The following PRPF3 variants were observed in gnomAD, a reference collection of about 807,000 sequenced individuals.
PRPF3 encodes the protein U4/U6 small nuclear ribonucleoprotein Prp3.
Under a neutral mutation model 89.2 loss-of-function variants are expected in PRPF3, and 3 were observed. The observed-to-expected ratio is 0.03, with a 90% confidence interval of 0.02 to 0.09. PRPF3 has a LOEUF of 0.09. Among genes scored for constraint, PRPF3 ranks in the 10% least tolerant of loss-of-function variants. The pLI, the probability that PRPF3 is intolerant of heterozygous loss-of-function variation, is 1.00. For missense variants in PRPF3, 463 were observed against 828.8 expected (o/e 0.56, Z 5.42); for synonymous variants, 270 against 289.1 (o/e 0.93, Z 0.67).
rs587741078 is a variant in PRPF3 at position 150,326,139 on chromosome 1, T to G, written c.276+258T>G. 1.5e-4 allele frequency among the ~76,000 whole-genome samples: 23 copies of G among 152,284 alleles called. No homozygotes were observed. The East Asian group carries it at 4.4e-3, about 29-fold the overall frequency. Reference sequence around the variant, plus strand: ...ATAACAGGAGTTTTGATTCTCATGTTTCTCCATATTTCCTTTTTTTCCTTC... The same window carrying G: ...ATAACAGGAGTTTTGATTCTCATGTGTCTCCATATTTCCTTTTTTTCCTTC... On this transcript the variant is annotated intron_variant, in intron 3 of 15. Transcript: ENST00000324862.
At position 150,338,166 on chromosome 1, in the gene PRPF3, C is replaced by T. The variant is rs1489740997; in HGVS notation, c.1042C>T (p.Leu348=). 1.2e-5 allele frequency: 20 copies of T among 1,613,540 alleles called. No individual in the cohort carries two copies. Among genetic ancestry groups the T allele is most frequent in the Non-Finnish European group, 1.4e-5 (17 of 1,179,866 alleles). The change falls in exon 8 of 16, where the codon CTG becomes TTG. Residue 348 remains leucine (L), a synonymous_variant. Coordinates refer to ENST00000324862, the MANE Select transcript of PRPF3 (RefSeq NM_004698.4). ...TGGATTATCTTGTTTTTAGGCTCAA[C>T]TGGAGAAGCTACAGGCAGAGATTTC... ...IAQRLRTKAQ[L]EKLQAEISQA...
Position 150,352,878 on chromosome 1 carries a change from T to G in PRPF3, c.1951T>G (p.Cys651Gly). Residue 651 changes from cysteine to glycine, a missense_variant, in exon 16 of 16, where the codon TGT becomes GGT. Coordinates refer to ENST00000324862, the MANE Select transcript of PRPF3 (RefSeq NM_004698.4). ...CTTTGGAGAGATGAAGTTTAAACAG[T>G]GTCCTACAGAGAACATGGCTCGTGA... ...RSFGEMKFKQCPTENMAREHF... is the reference protein window; with the variant it reads ...RSFGEMKFKQGPTENMAREHF... 1.2e-6 allele frequency: 2 copies of G among 1,614,210 alleles called. No homozygotes were observed. The highest frequency in any genetic ancestry group is 1.7e-6 in the Non-Finnish European group (2 of 1,180,028).
intron 9 of PRPF3, among the ~76,000 whole-genome samples, chr1:150,342,715 G>A (rs1657891692): frequency 6.6e-6 from 1 of 152,068 alleles, no homozygotes; most frequent in Admixed American, 6.6e-5. Flanking sequence ...TGGAGTCAGG[G>A]TTTCACCATG....
At chr1:150,341,983 C>T (rs935790982) in intron 9 of PRPF3, among the ~76,000 whole-genome samples, 60 of 149,346 alleles carry the variant, frequency 4.0e-4, no homozygotes, top group African/African-American at 1.1e-3. Flanking sequence ...GGTTTACCGG[C>T]GTGAGCCACC....
At chr1:150,348,521 G>A (rs1553873646) in intron 14 of PRPF3, among the ~76,000 whole-genome samples, 1 of 109,260 alleles carries the variant, frequency 9.2e-6, no homozygotes, top group African/African-American at 3.8e-5. Context: ...GGAGTGCAGT[G>A]GCACCATCTT....
intron 12 of PRPF3, 155 bp from the exon 13 acceptor site, chr1:150,345,863 C>G (rs1658227859): frequency 1.4e-6 from 1 of 738,364 alleles, no homozygotes; most frequent in Non-Finnish European, 2.5e-6. Flanking sequence ...CTAGACTCAT[C>G]AACTCTACCT....
At chr1:150,346,160 G>A (rs1553872893) in intron 13 of PRPF3, 24 bp downstream of exon 13, 2 of 1,591,986 alleles carry the variant, frequency 1.3e-6, no homozygotes, top group Admixed American at 1.7e-5. Context: ...ACTTGAGGGA[G>A]ACTGTCCCCA....
At chr1:150,328,195 C>T (rs1398153061) in intron 3 of PRPF3, 125 bp from the exon 4 acceptor site, 8 of 1,119,562 alleles carry the variant, frequency 7.1e-6, no homozygotes, top group East Asian at 2.4e-5. Context: ...TGGCAGGTGG[C>T]TATTTGCAAG....
chr1:150,349,259 C>T (rs782565307), intron 15 of PRPF3, 41 bp downstream of exon 15: 1 of 1,416,892 alleles, frequency 7.1e-7, no homozygotes, highest in Non-Finnish European at 1.0e-6. Flanking sequence ...CTTTAGCCAA[C>T]TCCTGAATAT....
At chr1:150,324,732 A>C (rs1655511677) in intron 1 of PRPF3, among the ~76,000 whole-genome samples, 163 bp from the exon 2 acceptor site, 2 of 151,876 alleles carry the variant, frequency 1.3e-5, no homozygotes, top group African/African-American at 2.4e-5. Context: ...TTTTTAGTAG[A>C]GGCAGGGTTT....
Position 150,344,536 on chromosome 1 carries a change from A to C in PRPF3, c.1629A>C (p.Ile543=). The C allele has an allele frequency of 6.2e-7, 1 of 1,614,084 alleles. No individual in the cohort carries two copies. Among genetic ancestry groups the C allele is most frequent in the Non-Finnish European group, 8.5e-7 (1 of 1,179,988 alleles). ...LKEDISQGVH[I]SVYRVRNLSN... ...AAGACATTTCACAGGGGGTACACAT[A>C]TCTGTATATAGGTAGGTGTCCATAC... The change falls in exon 12 of 16, where the codon ATA becomes ATC. Residue 543 remains isoleucine (I), a synonymous_variant. Transcript: ENST00000324862.
chr1:150,352,613 C>T (rs587752490), intron 15 of PRPF3, among the ~76,000 whole-genome samples: 2 of 152,156 alleles, frequency 1.3e-5, no homozygotes, highest in African/African-American at 2.4e-5. Flanking sequence ...TGCAGTGAGC[C>T]GAGATCGTGC....
At chr1:150,324,856 C>T (rs1553863225) in intron 1 of PRPF3, 39 bp from the exon 2 acceptor site, 2 of 1,521,194 alleles carry the variant, frequency 1.3e-6, no homozygotes, top group Non-Finnish European at 1.8e-6. Flanking sequence ...CCACTTTAGT[C>T]TTTTCTTATT....
At chr1:150,339,855 C>T (rs979855847) in intron 8 of PRPF3, among the ~76,000 whole-genome samples, 1 of 150,308 alleles carries the variant, frequency 6.7e-6, no homozygotes, top group Non-Finnish European at 1.5e-5. Flanking sequence ...TCATAAGTAT[C>T]CGGGACTACA....
intron 4 of PRPF3, among the ~76,000 whole-genome samples, chr1:150,332,450 TC>T (rs587774149): frequency 2.9e-4 from 44 of 152,288 alleles, no homozygotes; most frequent in African/African-American, 7.7e-4. Context: ...GTCTCAATCA[TC>T]ACACTATATT....
At chr1:150,330,968 C>T (rs1260402) in intron 4 of PRPF3, among the ~76,000 whole-genome samples, 20,203 of 151,976 alleles carry the variant, frequency 0.13, 1,721 homozygotes, top group Non-Finnish European at 0.19. Context: ...CCGCCCGGCT[C>T]GGCCTCCCAA....
At chr1:150,346,584 C>T in intron 14 of PRPF3, 93 bp downstream of exon 14, 2 of 1,255,448 alleles carry the variant, frequency 1.6e-6, no homozygotes, top group South Asian at 2.4e-5. Context: ...CTGTGACACT[C>T]TTGATAACAC....
chr1:150,330,488 T>TG lies in PRPF3; in HGVS notation c.423+2025dup, dbSNP rs587705115. ...CTCCTGCCTCAGCCTCCTGAGTAGCTGGGACTACAGGTATGTACCACCATG... is the reference window on the plus strand; with the variant it reads ...CTCCTGCCTCAGCCTCCTGAGTAGCTGGGGACTACAGGTATGTACCACCATG... On this transcript the variant is annotated intron_variant, in intron 4 of 15. Coordinates refer to ENST00000324862, the MANE Select transcript of PRPF3 (RefSeq NM_004698.4). 21 of 152,424 alleles carry TG rather than the reference T, an allele frequency of 1.4e-4. No homozygotes were observed. The East Asian group carries it at 3.7e-3, about 27-fold the overall frequency. 9.4% of individuals were successfully genotyped at this position (152,424 alleles called of 1,614,324 possible).
chr1:150,343,227 G>A (rs1174438113), intron 9 of PRPF3, 82 bp from the exon 10 acceptor site: 16 of 802,954 alleles, frequency 2.0e-5, no homozygotes, highest in Non-Finnish European at 2.3e-5. Context: ...GGGTGACAGA[G>A]TGAGAGAGAG....
Sources: gnomAD v4.1 joint callset for allele counts (sites outside exome capture counted in the v4.1 genomes callset) on GRCh38, gnomAD v4.1.1 for gene constraint, MANE v1.5 for transcripts, NCBI Gene and HGNC (gene_info 2026-07-23, HGNC 2026-07-21) for gene names.